RFWD3: variants seen among roughly 807,000 people sequenced by gnomAD.
The protein encoded by RFWD3 is E3 ubiquitin-protein ligase RFWD3.
RFWD3 carries 65 observed loss-of-function variants against 87.7 expected under a neutral mutation model. The observed-to-expected ratio is 0.74, with a 90% CI of 0.61 to 0.91. RFWD3 has a LOEUF of 0.91. RFWD3 is among the 40% of genes least tolerant of loss of function. The pLI, the probability that RFWD3 is intolerant of heterozygous loss-of-function variation, is 0.00. For missense variants in RFWD3, 1,078 were observed against 938.5 expected (o/e 1.15, Z -1.94); for synonymous variants, 433 against 352.8 (o/e 1.23, Z -2.55).
At chr16:74,630,261 A>G (rs1195669339) in intron 10 of RFWD3, among the ~76,000 whole-genome samples, 2 of 152,192 alleles carry the variant, frequency 1.3e-5, no homozygotes, top group African/African-American at 4.8e-5. Flanking sequence ...ACGCATGGCT[A>G]ACATTTTTTT....
chr16:74,630,683 T>G, intron 10 of RFWD3, 98 bp downstream of exon 10: 1 of 1,061,984 alleles, frequency 9.4e-7, no homozygotes, highest in Non-Finnish European at 1.3e-6. Context: ...TGTGAGGATT[T>G]CTGACTAACT....
chr16:74,664,460 A>G (rs1268293731), intron 1 of RFWD3: 1 of 152,208 alleles, frequency 6.6e-6, no homozygotes, highest in Non-Finnish European at 1.5e-5. Flanking sequence ...TTAAATAAAA[A>G]TCAAATTCGG....
chr16:74,666,256 T>C (rs1460533737), intron 1 of RFWD3: 2 of 152,242 alleles, frequency 1.3e-5, no homozygotes, highest in Admixed American at 1.3e-4. Context: ...ATCCCTGTTC[T>C]TTTACTACAT....
chr16:74,626,612 A>G, intron 11 of RFWD3, 58 bp from the exon 12 acceptor site: 1 of 1,435,868 alleles, frequency 7.0e-7, no homozygotes, highest in Non-Finnish European at 9.7e-7. Flanking sequence ...AAATTAACCA[A>G]GTACCCAAAC....
intron 11 of RFWD3, 124 bp downstream of exon 11, chr16:74,628,328 A>C: frequency 1.2e-6 from 1 of 850,282 alleles, no homozygotes; most frequent in Non-Finnish European, 1.8e-6. Flanking sequence ...AGCAAGAGCT[A>C]CAACACACCT....
chr16:74,632,117 G>C (rs929626330), intron 9 of RFWD3, among the ~76,000 whole-genome samples: 1 of 151,082 alleles, frequency 6.6e-6, no homozygotes. Flanking sequence ...TCGGCTGGGC[G>C]CAGTGGCTCA....
chr16:74,633,967 A>G (rs1352151602), intron 8 of RFWD3, among the ~76,000 whole-genome samples: 1 of 151,886 alleles, frequency 6.6e-6, no homozygotes, highest in Non-Finnish European at 1.5e-5. Context: ...CCTGGAAGAC[A>G]GAACTAGATC....
At chr16:74,649,229 GGA>G in intron 3 of RFWD3, 27 bp from the exon 4 acceptor site, 1 of 1,509,478 alleles carries the variant, frequency 6.6e-7, no homozygotes, top group Non-Finnish European at 8.9e-7. Context: ...AGAAATGACA[GGA>G]GAGGTAAAAT....
At chr16:74,643,135 CTTTT>C (rs948072366) in intron 6 of RFWD3, among the ~76,000 whole-genome samples, 9 of 152,062 alleles carry the variant, frequency 5.9e-5, no homozygotes, top group Non-Finnish European at 1.0e-4. Context: ...ACCTATAGAG[CTTTT>C]TTTCTTTCTT....
chr16:74,630,118 T>C (rs931636761), intron 10 of RFWD3, among the ~76,000 whole-genome samples: 4 of 152,028 alleles, frequency 2.6e-5, no homozygotes, highest in Non-Finnish European at 5.9e-5. Flanking sequence ...TTTCTTGAGA[T>C]GGCGTCTCAC....
intron 10 of RFWD3, among the ~76,000 whole-genome samples, chr16:74,630,114 G>A (rs920233988): frequency 4.0e-5 from 6 of 148,780 alleles, no homozygotes; most frequent in African/African-American, 1.2e-4. Context: ...TTTTTTTCTT[G>A]AGATGGCGTC....
chr16:74,638,463 T>C (rs192703777), intron 6 of RFWD3, among the ~76,000 whole-genome samples: 49 of 152,264 alleles, frequency 3.2e-4, no homozygotes, highest in African/African-American at 1.1e-3. Context: ...CGAGGAACAA[T>C]GTATCATAAA....
chr16:74,632,839 T>C (rs1959142709), intron 8 of RFWD3, 166 bp from the exon 9 acceptor site: 1 of 619,960 alleles, frequency 1.6e-6, no homozygotes, highest in Non-Finnish European at 2.8e-6. Context: ...TCATTTATTT[T>C]TGAGAGTTGG....
intron 7 of RFWD3, 48 bp downstream of exon 7, chr16:74,637,808 T>C: frequency 7.3e-7 from 1 of 1,370,764 alleles, no homozygotes; most frequent in Non-Finnish European, 1.0e-6. Context: ...TAGCTTCCTC[T>C]TCCATTCCTA....
chr16:74,625,175 G>A (rs1175306254), intron 12 of RFWD3, among the ~76,000 whole-genome samples: 1 of 149,966 alleles, frequency 6.7e-6, no homozygotes, highest in Non-Finnish European at 1.5e-5. Flanking sequence ...ACTCCAGCCT[G>A]GGCAACAGAG....
chr16:74,642,428 T>C (rs1170220716), intron 6 of RFWD3, among the ~76,000 whole-genome samples: 2 of 152,056 alleles, frequency 1.3e-5, no homozygotes, highest in East Asian at 3.9e-4. Flanking sequence ...CTGGCCCTTC[T>C]ACTGAATCTA....
At chr16:74,631,015 G>C in intron 9 of RFWD3, 58 bp from the exon 10 acceptor site, 1 of 1,404,848 alleles carries the variant, frequency 7.1e-7, no homozygotes, top group South Asian at 1.3e-5. Flanking sequence ...ACATGACAAA[G>C]ATGTAAAGAT....
chr16:74,625,541 G>A (rs866148766), intron 12 of RFWD3, among the ~76,000 whole-genome samples: 6 of 151,094 alleles, frequency 4.0e-5, no homozygotes, highest in South Asian at 2.1e-4. Flanking sequence ...CAGACCAGGC[G>A]CAATGGCTCA....
intron 2 of RFWD3, among the ~76,000 whole-genome samples, chr16:74,660,189 T>C (rs1425682131): frequency 3.9e-5 from 6 of 152,262 alleles, no homozygotes; most frequent in Admixed American, 3.3e-4. Context: ...TCTATAGTTA[T>C]GAGACCCTGA....
Sources: allele counts gnomAD v4.1 joint callset (sites outside exome capture counted in the v4.1 genomes callset), GRCh38; gene constraint gnomAD v4.1.1; transcripts MANE v1.5; gene names NCBI Gene and HGNC (gene_info 2026-07-23, HGNC 2026-07-21).